AP4S1: variants seen among roughly 807,000 people sequenced by gnomAD.
AP4S1 encodes the protein AP-4 complex subunit sigma-1.
Under a neutral mutation model 19.8 loss-of-function variants are expected in AP4S1, and 23 were observed. That is an observed-to-expected ratio of 1.16 (90% confidence interval 0.84 to 1.65). The LOEUF (loss-of-function observed/expected upper bound fraction) is 1.65, where lower values mean the gene tolerates loss of function less well. AP4S1 is among the 40% of genes most tolerant of loss of function. AP4S1 has a pLI of 0.00. For synonymous variants in AP4S1, 46 were observed against 54.1 expected (o/e 0.85, Z 0.66); for missense variants, 166 against 172.8 (o/e 0.96, Z 0.22).
intron 5 of AP4S1, chr14:31,083,792 G>T (rs185946664): frequency 4.5e-4 from 147 of 325,566 alleles, no homozygotes; most frequent in African/African-American, 2.8e-3. Flanking sequence ...TTCTTAAAAG[G>T]TTACTACCCT....
At chr14:31,028,666 A>T (rs560094619) in intron 1 of AP4S1, among the ~76,000 whole-genome samples, 2 of 151,980 alleles carry the variant, frequency 1.3e-5, no homozygotes, top group East Asian at 3.9e-4. Flanking sequence ...TAATCCCAGC[A>T]CTTTGGGAGG....
chr14:31,072,407 G>A (rs1022131762), intron 3 of AP4S1, among the ~76,000 whole-genome samples: 1 of 151,804 alleles, frequency 6.6e-6, no homozygotes, highest in Non-Finnish European at 1.5e-5. Context: ...ACCTCGCTCT[G>A]TTTCCCAGGC....
At chr14:31,073,821 G>A (rs957414112) in intron 4 of AP4S1, among the ~76,000 whole-genome samples, 1 of 151,334 alleles carries the variant, frequency 6.6e-6, no homozygotes, top group African/African-American at 2.4e-5. Flanking sequence ...TGGGATTACA[G>A]GCGTGAGCCA....
intron 1 of AP4S1, among the ~76,000 whole-genome samples, chr14:31,041,853 A>AT (rs144369957): frequency 0.043 from 6,591 of 152,090 alleles, 510 homozygotes; most frequent in African/African-American, 0.15. Flanking sequence ...ATTTTATTTT[A>AT]TTTTTTGATA....
chr14:31,041,841 T>G (rs1444845818), intron 1 of AP4S1, among the ~76,000 whole-genome samples: 1 of 150,802 alleles, frequency 6.6e-6, no homozygotes, highest in African/African-American at 2.5e-5. Context: ...TATTTTAACA[T>G]TATTTTATTT....
intron 4 of AP4S1, among the ~76,000 whole-genome samples, chr14:31,079,409 T>A (rs1887520140): frequency 6.6e-6 from 1 of 152,106 alleles, no homozygotes; most frequent in Non-Finnish European, 1.5e-5. Flanking sequence ...GGAATGCTGA[T>A]CATGGGAGGA....
chr14:31,026,179 C>G, intron 1 of AP4S1: 1 of 1,472,322 alleles, frequency 6.8e-7, no homozygotes, highest in African/African-American at 1.5e-5. Flanking sequence ...CCGGCAAGCT[C>G]GTCCATTGTG....
chr14:31,073,270 C>T, intron 4 of AP4S1: 1 of 341,116 alleles, frequency 2.9e-6, no homozygotes, highest in South Asian at 2.6e-5. Flanking sequence ...GTGGGCAGAT[C>T]ACAAGGTCAG....
At chr14:31,035,031 A>G (rs759006314) in intron 1 of AP4S1, among the ~76,000 whole-genome samples, 7 of 151,998 alleles carry the variant, frequency 4.6e-5, no homozygotes, top group Non-Finnish European at 7.4e-5. Context: ...CATCTACTCT[A>G]CTTTTTTTCT....
chr14:31,029,803 C>T (rs1380558372), intron 1 of AP4S1, among the ~76,000 whole-genome samples: 1 of 149,522 alleles, frequency 6.7e-6, no homozygotes, highest in Non-Finnish European at 1.5e-5. Flanking sequence ...CCAGTCTGGG[C>T]AACAGAGCAA....
intron 3 of AP4S1, among the ~76,000 whole-genome samples, chr14:31,070,384 G>A (rs1886937008): frequency 6.6e-6 from 1 of 152,098 alleles, no homozygotes; most frequent in Non-Finnish European, 1.5e-5. Context: ...GGGACTGCAG[G>A]CTCACACTCC....
intron 5 of AP4S1, 42 bp from the exon 6 acceptor site, chr14:31,092,865 A>G (rs770401839): frequency 7.0e-7 from 1 of 1,427,960 alleles, no homozygotes; most frequent in East Asian, 2.6e-5. Context: ...CTGAATGTTA[A>G]TAATTTTTAA....
chr14:31,088,746 T>A (rs1403715340), intron 5 of AP4S1, among the ~76,000 whole-genome samples: 1 of 137,338 alleles, frequency 7.3e-6, no homozygotes, highest in Non-Finnish European at 1.5e-5. Context: ...AGGCGGAGGT[T>A]ACAGTGAGCC....
chr14:31,079,804 C>T (rs1372955995), intron 4 of AP4S1, among the ~76,000 whole-genome samples: 3 of 151,876 alleles, frequency 2.0e-5, no homozygotes, highest in South Asian at 4.2e-4. Flanking sequence ...CCAGCCTGGG[C>T]GACAGACTGA....
chr14:31,091,578 A>C (rs554365615), intron 5 of AP4S1, among the ~76,000 whole-genome samples: 1 of 152,106 alleles, frequency 6.6e-6, no homozygotes, highest in East Asian at 1.9e-4. Flanking sequence ...GTCCTTGGAA[A>C]ACAGTTTATT....
intron 5 of AP4S1, 64 bp from the exon 6 acceptor site, chr14:31,092,843 C>T: frequency 7.8e-7 from 1 of 1,288,768 alleles, no homozygotes; most frequent in Non-Finnish European, 1.1e-6. Context: ...TAGGTTAAGC[C>T]ATAAATTTTT....
At chr14:31,033,184 G>A (rs1884510331) in intron 1 of AP4S1, among the ~76,000 whole-genome samples, 1 of 152,052 alleles carries the variant, frequency 6.6e-6, no homozygotes, top group Non-Finnish European at 1.5e-5. Flanking sequence ...TAGTTTTGGG[G>A]TGATCCAGTC....
chr14:31,066,428 C>T, intron 2 of AP4S1, 94 bp downstream of exon 2: 1 of 1,510,074 alleles, frequency 6.6e-7, no homozygotes, highest in Non-Finnish European at 9.2e-7. Flanking sequence ...TTTCTTTGAG[C>T]TATATTCCTT....
At chr14:31,085,239 C>T in intron 5 of AP4S1, 1 of 1,048,048 alleles carries the variant, frequency 9.5e-7, no homozygotes, top group African/African-American at 1.7e-5. Context: ...TTATAAGGTC[C>T]CTAGATATCC....
Sources: allele counts gnomAD v4.1 joint callset (sites outside exome capture counted in the v4.1 genomes callset), GRCh38; gene constraint gnomAD v4.1.1; transcripts MANE v1.5; gene names NCBI Gene and HGNC (gene_info 2026-07-23, HGNC 2026-07-21).